ATP7A: variants seen among roughly 807,000 people sequenced by gnomAD.
The protein encoded by ATP7A is copper-transporting ATPase 1.
ATP7A carries 7 observed loss-of-function variants against 83.5 expected under a neutral mutation model. That is an observed-to-expected ratio of 0.08 (90% confidence interval 0.05 to 0.16). The LOEUF (loss-of-function observed/expected upper bound fraction) is 0.16, where lower values mean the gene tolerates loss of function less well. ATP7A is among the 10% of genes least tolerant of loss of function. The pLI, the probability that ATP7A is intolerant of heterozygous loss-of-function variation, is 1.00. For missense variants in ATP7A, 940 were observed against 1,120.8 expected, an observed-to-expected ratio of 0.84 and a Z score of 2.30; for synonymous variants, 354 against 395.2, an observed-to-expected ratio of 0.90 and a Z score of 1.24.
chrX:78,002,655 A>G (rs1479664280), intron 5 of ATP7A, among the ~76,000 whole-genome samples: 1 of 111,249 alleles, frequency 9.0e-6, no homozygotes, highest in Non-Finnish European at 1.9e-5. Flanking sequence ...ATATTTACAC[A>G]TGAAATGATG....
At chrX:77,946,545 C>G (rs113086770) in intron 1 of ATP7A, among the ~76,000 whole-genome samples, 51,619 of 108,029 alleles carry the variant, frequency 0.48, 11,394 homozygotes, top group African/African-American at 0.86. Flanking sequence ...GAAGAGAGGG[C>G]AAAGTCAAGA....
intron 6 of ATP7A, among the ~76,000 whole-genome samples, chrX:78,007,833 A>T (rs1557233908): frequency 8.9e-6 from 1 of 112,133 alleles, no homozygotes; most frequent in Non-Finnish European, 1.9e-5. Context: ...TTTATGAGGT[A>T]TATGAGACGT....
chrX:78,018,635 GTCGC>G (rs1380442684), intron 12 of ATP7A, among the ~76,000 whole-genome samples: 1 of 112,217 alleles, frequency 8.9e-6, no homozygotes, highest in Non-Finnish European at 1.9e-5. Flanking sequence ...CAGTTCCAAA[GTCGC>G]TTCCGCATTT....
intron 6 of ATP7A, among the ~76,000 whole-genome samples, chrX:78,004,545 T>C (rs1319910367): frequency 9.3e-6 from 1 of 107,380 alleles, no homozygotes; most frequent in Non-Finnish European, 1.9e-5. Context: ...GCCCAGGAGT[T>C]CACGACCAGC....
rs2077825077 is a variant in ATP7A at position 78,011,458 on chromosome X, G to A, written c.1956G>A (p.Arg652=). The change falls in exon 9 of 23, where the codon CGG becomes CGA. Residue 652 remains arginine (R), a synonymous_variant. Coordinates refer to ENST00000341514, the MANE Select transcript of ATP7A (RefSeq NM_000052.7). ...DHKREIRQWR[R]SFLVSLFFCI... is the part of the protein sequence containing the mutation. ...ATTTTTTCCATATAAGATGGAGACG[G>A]TCTTTTCTTGTGAGTCTGTTTTTCT... 1.7e-6 allele frequency: 2 copies of A among 1,208,901 alleles called. No homozygotes were observed. Among genetic ancestry groups the A allele is most frequent in the East Asian group, 5.9e-5 (2 of 33,810 alleles).
chrX:78,003,092 G>C lies in ATP7A; in HGVS notation c.1563G>C (p.Val521=). The C allele has an allele frequency of 8.3e-7, 1 of 1,208,894 alleles. No individual in the cohort carries two copies. Among genetic ancestry groups the C allele is most frequent in the Non-Finnish European group, 1.1e-6 (1 of 893,396 alleles). Residue 521 remains valine (V), a synonymous_variant, in exon 6 of 23, where the codon GTG becomes GTC. Coordinates refer to ENST00000341514, the MANE Select transcript of ATP7A (RefSeq NM_000052.7). The stretch of plus-strand genomic sequence containing the variant: ...TCTTAGGAATATATTCTATACTTGT[G>C]GCCCTGATGGCTGGCAAGGCAGAAG... ...RREEGIYSIL[V]ALMAGKAEVR...
At chrX:78,043,047 G>T (rs1557238636) in intron 20 of ATP7A, among the ~76,000 whole-genome samples, 1 of 112,206 alleles carries the variant, frequency 8.9e-6, no homozygotes, top group Non-Finnish European at 1.9e-5. Context: ...GGAATAAAAT[G>T]ATCTTCAACA....
At position 78,043,358 on chromosome X, in the gene ATP7A, A is replaced by G. The variant is rs782128074; in HGVS notation, c.4047A>G (p.Arg1349=). The G allele has an allele frequency of 8.3e-7, 1 of 1,208,821 alleles. No homozygotes were observed. Among genetic ancestry groups the G allele is most frequent in the South Asian group, 1.8e-5 (1 of 56,950 alleles). The change falls in exon 21 of 23, where the codon AGA becomes AGG. Residue 1349 remains arginine (R), a synonymous_variant. Coordinates refer to ENST00000341514, the MANE Select transcript of ATP7A (RefSeq NM_000052.7). ...LDVVASIDLS[R]KTVKRIRINF... is the part of the protein sequence containing the mutation. ...TAGTGGCAAGTATTGACTTATCAAGAAAGACAGTCAAGAGGATTCGGATAA... is the reference window on the plus strand; with the variant it reads ...TAGTGGCAAGTATTGACTTATCAAGGAAGACAGTCAAGAGGATTCGGATAA...
At chrX:78,039,763 C>G (rs1205822610) in intron 18 of ATP7A, among the ~76,000 whole-genome samples, 11 of 111,906 alleles carry the variant, frequency 9.8e-5, no homozygotes, top group African/African-American at 3.2e-4. Context: ...TAAATTTTAC[C>G]TCAATAAAGT....
intron 1 of ATP7A, among the ~76,000 whole-genome samples, chrX:77,946,091 G>A (rs1181113129): frequency 1.8e-5 from 2 of 110,862 alleles, no homozygotes; most frequent in Non-Finnish European, 3.8e-5. Flanking sequence ...CTTGAGTCCA[G>A]GAATTTGATG....
intron 1 of ATP7A, among the ~76,000 whole-genome samples, chrX:77,918,895 C>T (rs1339143366): frequency 7.2e-5 from 8 of 111,429 alleles, no homozygotes; most frequent in Non-Finnish European, 1.1e-4. Flanking sequence ...AGTCCCAACA[C>T]GTTTATCATT....
intron 5 of ATP7A, among the ~76,000 whole-genome samples, 191 bp downstream of exon 5, chrX:77,998,875 G>C (rs1286141330): frequency 9.1e-6 from 1 of 109,833 alleles, no homozygotes; most frequent in Non-Finnish European, 1.9e-5. Context: ...TTCCTCTCTT[G>C]TTTACCTCAT....
intron 1 of ATP7A, among the ~76,000 whole-genome samples, chrX:77,919,518 T>A (rs1425468110): frequency 1.8e-5 from 2 of 112,394 alleles, no homozygotes; most frequent in Non-Finnish European, 3.8e-5. Context: ...TGAGACGAAG[T>A]CTCACTCTGT....
chrX:78,020,238 A>G lies in ATP7A; in HGVS notation c.2627-6A>G. ...CTCCTTAAATCTATCTTTACTCTCC[A>G]TACAGGGGAGGCAATGCCTGTGGCT... On this transcript the variant is annotated splice_polypyrimidine_tract_variant and splice_region_variant and intron_variant, in intron 12 of 22. Coordinates refer to ENST00000341514, the MANE Select transcript of ATP7A (RefSeq NM_000052.7). 8.3e-7 allele frequency: 1 copy of G among 1,209,633 alleles called. No individual in the cohort carries two copies. Among genetic ancestry groups the G allele is most frequent in the Non-Finnish European group, 1.1e-6 (1 of 893,501 alleles).
At chrX:77,951,094 A>G (rs2077411501) in intron 1 of ATP7A, among the ~76,000 whole-genome samples, 3 of 112,288 alleles carry the variant, frequency 2.7e-5, no homozygotes, top group Admixed American at 1.9e-4. Context: ...AGACTTGTGC[A>G]ACTATCATCA....
intron 2 of ATP7A, among the ~76,000 whole-genome samples, chrX:77,978,919 C>T (rs2077590489): frequency 9.0e-6 from 1 of 111,014 alleles, no homozygotes; most frequent in African/African-American, 3.3e-5. Flanking sequence ...GCAACCTTCG[C>T]CTCCTGGGTT....
At chrX:77,983,770 C>T (rs2077618075) in intron 2 of ATP7A, among the ~76,000 whole-genome samples, 1 of 110,317 alleles carries the variant, frequency 9.1e-6, no homozygotes, top group Non-Finnish European at 1.9e-5. Context: ...GCACGACCTC[C>T]GCCTCCCGGG....
chrX:77,940,011 G>A (rs2077342892), intron 1 of ATP7A, among the ~76,000 whole-genome samples: 1 of 109,825 alleles, frequency 9.1e-6, no homozygotes, highest in Admixed American at 9.7e-5. Flanking sequence ...TTGATGGAGG[G>A]AGGATCTGAC....
intron 5 of ATP7A, among the ~76,000 whole-genome samples, chrX:77,999,563 A>G (rs1159860091): frequency 9.0e-6 from 1 of 111,618 alleles, no homozygotes; most frequent in African/African-American, 3.3e-5. Flanking sequence ...TTGCACTCAT[A>G]TTTATAGACT....
Sources: gnomAD v4.1 joint callset for allele counts (sites outside exome capture counted in the v4.1 genomes callset) on GRCh38, gnomAD v4.1.1 for gene constraint, MANE v1.5 for transcripts, NCBI Gene and HGNC (gene_info 2026-07-23, HGNC 2026-07-21) for gene names.